Variants in HCN1 observed in about 807,000 individuals in gnomAD.
The protein encoded by HCN1 is hyperpolarization activated cyclic nucleotide gated potassium channel 1.
In HCN1, 13 loss-of-function variants were observed where a neutral mutation model predicts 78.9. That is an observed-to-expected ratio of 0.16 (90% confidence interval 0.11 to 0.26). The LOEUF is 0.26. Among genes scored for constraint, HCN1 ranks in the 10% least tolerant of loss-of-function variants. The probability of loss-of-function intolerance (pLI) is 1.00; values close to 1 mark genes in which losing one functional copy is unlikely to be tolerated. For missense variants in HCN1, 810 were observed against 1,154.3 expected (o/e 0.70, Z 4.32); for synonymous variants, 552 against 455.5 (o/e 1.21, Z -2.70).
intron 2 of HCN1, among the ~76,000 whole-genome samples, chr5:45,560,838 C>G (rs1024089356): frequency 6.6e-6 from 1 of 151,980 alleles, no homozygotes; most frequent in Admixed American, 6.6e-5. Flanking sequence ...TTTAAAGATT[C>G]ATTTTCTGGT....
chr5:45,314,677 C>T (rs1433758024), intron 5 of HCN1, among the ~76,000 whole-genome samples: 6 of 152,062 alleles, frequency 3.9e-5, no homozygotes. Context: ...ACCCATCTCA[C>T]ATGCAGAGAC....
intron 4 of HCN1, among the ~76,000 whole-genome samples, chr5:45,388,727 C>T (rs1201355746): frequency 6.6e-6 from 1 of 152,134 alleles, no homozygotes; most frequent in African/African-American, 2.4e-5. Context: ...GCAGTGTCAT[C>T]CCACTTACCC....
intron 4 of HCN1, among the ~76,000 whole-genome samples, chr5:45,375,249 CATAAT>C (rs1306186050): frequency 9.3e-6 from 1 of 107,644 alleles, no homozygotes; most frequent in African/African-American, 3.9e-5. Context: ...ATATATTATA[CATAAT>C]ATAATATTTT....
intron 2 of HCN1, among the ~76,000 whole-genome samples, chr5:45,517,009 T>C (rs1742527747): frequency 6.6e-6 from 1 of 152,032 alleles, no homozygotes; most frequent in Admixed American, 6.6e-5. Context: ...CTTTATTGAT[T>C]TATGCATAAA....
chr5:45,401,911 A>T (rs1302096711), intron 3 of HCN1, among the ~76,000 whole-genome samples: 2 of 152,072 alleles, frequency 1.3e-5, no homozygotes, highest in East Asian at 1.9e-4. Context: ...GTCCTTGTTT[A>T]AAAAACAAGG....
At chr5:45,671,810 T>C (rs1475942352) in intron 1 of HCN1, among the ~76,000 whole-genome samples, 1 of 151,622 alleles carries the variant, frequency 6.6e-6, no homozygotes, top group Admixed American at 6.6e-5. Context: ...ACCACTAATT[T>C]AAATTGAGTT....
intron 3 of HCN1, among the ~76,000 whole-genome samples, chr5:45,421,677 A>G (rs959068919): frequency 1.3e-5 from 2 of 152,206 alleles, no homozygotes; most frequent in African/African-American, 2.4e-5. Context: ...ACAGATTTCA[A>G]TGTTGAATGC....
At chr5:45,271,518 C>T (rs1304592983) in intron 6 of HCN1, among the ~76,000 whole-genome samples, 1 of 151,902 alleles carries the variant, frequency 6.6e-6, no homozygotes, top group Non-Finnish European at 1.5e-5. Context: ...AATTAGACAC[C>T]CATTTATATT....
At chr5:45,406,872 G>A (rs1739936697) in intron 3 of HCN1, among the ~76,000 whole-genome samples, 1 of 152,154 alleles carries the variant, frequency 6.6e-6, no homozygotes, top group South Asian at 2.1e-4. Flanking sequence ...AAGATAGTTT[G>A]ACCTTAAAAT....
intron 1 of HCN1, among the ~76,000 whole-genome samples, chr5:45,676,870 A>G (rs1021778758): frequency 2.0e-5 from 3 of 151,824 alleles, no homozygotes; most frequent in Admixed American, 1.3e-4. Flanking sequence ...CTTGAGAGGT[A>G]GTTAATTATT....
chr5:45,442,406 G>A (rs1396816743), intron 3 of HCN1, among the ~76,000 whole-genome samples: 1 of 151,990 alleles, frequency 6.6e-6, no homozygotes, highest in African/African-American at 2.4e-5. Context: ...TCAGGAGGTG[G>A]AAACTGAGGG....
intron 1 of HCN1, among the ~76,000 whole-genome samples, chr5:45,654,430 T>C (rs1189481954): frequency 2.0e-5 from 3 of 152,142 alleles, no homozygotes; most frequent in South Asian, 4.1e-4. Flanking sequence ...GTATTTTCAT[T>C]TGATGGACCA....
At chr5:45,380,843 C>T (rs919932605) in intron 4 of HCN1, among the ~76,000 whole-genome samples, 2 of 152,060 alleles carry the variant, frequency 1.3e-5, no homozygotes, top group Admixed American at 6.6e-5. Flanking sequence ...TAAGACATCC[C>T]GTTGCTTGCT....
At chr5:45,630,032 T>C (rs1378914889) in intron 2 of HCN1, among the ~76,000 whole-genome samples, 1 of 152,074 alleles carries the variant, frequency 6.6e-6, no homozygotes, top group African/African-American at 2.4e-5. Context: ...TCCCCCAGGG[T>C]AAGTGCCAGT....
intron 2 of HCN1, among the ~76,000 whole-genome samples, chr5:45,536,485 T>C (rs144997065): frequency 5.6e-4 from 86 of 152,298 alleles, no homozygotes; most frequent in African/African-American, 1.7e-3. Flanking sequence ...CTTTTTTCAT[T>C]TCAGTTACTG....
chr5:45,563,369 T>C (rs112267360), intron 2 of HCN1, among the ~76,000 whole-genome samples: 20 of 152,072 alleles, frequency 1.3e-4, no homozygotes, highest in African/African-American at 4.3e-4. Context: ...GGAGAATCAC[T>C]TGAACTTGGA....
At chr5:45,609,381 T>C (rs1204235112) in intron 2 of HCN1, among the ~76,000 whole-genome samples, 1 of 152,076 alleles carries the variant, frequency 6.6e-6, no homozygotes, top group African/African-American at 2.4e-5. Flanking sequence ...AATATTTCAA[T>C]AAAAACAAAC....
At chr5:45,270,347 G>C (rs1304559416) in intron 6 of HCN1, among the ~76,000 whole-genome samples, 1 of 152,182 alleles carries the variant, frequency 6.6e-6, no homozygotes, top group Admixed American at 6.6e-5. Flanking sequence ...ATTTAAAACG[G>C]AATATTTGGT....
chr5:45,340,794 T>G (rs1746562423), intron 5 of HCN1, among the ~76,000 whole-genome samples: 1 of 152,146 alleles, frequency 6.6e-6, no homozygotes, highest in Non-Finnish European at 1.5e-5. Context: ...TAGGATCTAG[T>G]TTAAGGCACT....
Sources: gnomAD v4.1 joint callset for allele counts (sites outside exome capture counted in the v4.1 genomes callset) on GRCh38, gnomAD v4.1.1 for gene constraint, MANE v1.5 for transcripts, NCBI Gene and HGNC (gene_info 2026-07-23, HGNC 2026-07-21) for gene names.